CCDC180: variants seen among roughly 807,000 people sequenced by gnomAD.
CCDC180 encodes the protein coiled-coil domain containing 180.
A neutral mutation model predicts 209.2 loss-of-function variants in CCDC180; 154 were observed. The observed-to-expected ratio is 0.74, with a 90% CI of 0.65 to 0.84. The LOEUF is 0.84. Among genes scored for constraint, CCDC180 ranks in the 40% least tolerant of loss-of-function variants. The pLI is 0.00. For synonymous variants in CCDC180, 778 were observed against 749.1 expected, an observed-to-expected ratio of 1.04 and a Z score of -0.63; for missense variants, 1,874 against 1,997.3, an observed-to-expected ratio of 0.94 and a Z score of 1.18.
chr9:97,329,998 G>A (rs189993192), intron 16 of CCDC180, among the ~76,000 whole-genome samples, 156 bp from the exon 17 acceptor site: 1,562 of 151,256 alleles, frequency 0.01, 27 homozygotes, highest in African/African-American at 0.037. Flanking sequence ...AACCTGGGAG[G>A]CGGAGCTTGC....
chr9:97,357,238 T>C (rs534837834), intron 24 of CCDC180, among the ~76,000 whole-genome samples: 1 of 149,380 alleles, frequency 6.7e-6, no homozygotes, highest in Admixed American at 6.7e-5. Flanking sequence ...TCTGCACTGC[T>C]GGAGCAGAGC....
intron 9 of CCDC180, 125 bp from the exon 10 acceptor site, chr9:97,318,338 C>T (rs1261603418): frequency 1.4e-5 from 15 of 1,070,260 alleles, no homozygotes; most frequent in Admixed American, 2.3e-5. Flanking sequence ...GAGGAAGGGG[C>T]TGGGGGTGGT....
Position 97,349,155 on chromosome 9 carries a change from G to A in CCDC180, c.2719G>A (p.Gly907Arg). The A allele has an allele frequency of 1.3e-6, 2 of 1,536,268 alleles. No individual in the cohort carries two copies. Among genetic ancestry groups the A allele is most frequent in the Non-Finnish European group, 1.7e-6 (2 of 1,146,944 alleles). The change falls in exon 21 of 37, where the codon GGG becomes AGG. Residue 907 changes from glycine to arginine, a missense_variant. By Grantham distance (125) the Gly-to-Arg change is moderately radical (BLOSUM62 -2). Coordinates refer to ENST00000529487, the MANE Select transcript of CCDC180 (RefSeq NM_020893.6). ...HQEQLDSHCA[G>R]VTETLKKKRL... Reference sequence around the variant, plus strand: ...AGAGCAGTTGGACAGCCACTGTGCTGGGGTGACCGAGACGCTGAAGAAGAA... The same window carrying A: ...AGAGCAGTTGGACAGCCACTGTGCTAGGGTGACCGAGACGCTGAAGAAGAA...
chr9:97,316,831 AG>A (rs1833188458), intron 8 of CCDC180, among the ~76,000 whole-genome samples: 1 of 152,178 alleles, frequency 6.6e-6, no homozygotes, highest in Non-Finnish European at 1.5e-5. Flanking sequence ...TCATGCAGTC[AG>A]GGTCTGTGGT....
At chr9:97,320,255 G>A (rs371980124) in intron 11 of CCDC180, 50 bp downstream of exon 11, 8 of 1,526,722 alleles carry the variant, frequency 5.2e-6, no homozygotes, top group Non-Finnish European at 5.4e-6. Flanking sequence ...AACTGTTTAA[G>A]CAGTTGCTTT....
chr9:97,374,325 C>T (rs3747492), intron 34 of CCDC180: 118,751 of 534,330 alleles, frequency 0.22, 14,813 homozygotes, highest in East Asian at 0.43. Context: ...CCCACACCAC[C>T]GCTTAGATTC....
Position 97,330,766 on chromosome 9 carries a change from AG to A in CCDC180, c.2274+1del, listed in dbSNP as rs1825717958. 6.3e-7 allele frequency: 1 copy of A among 1,593,542 alleles called. No homozygotes were observed. Among genetic ancestry groups the A allele is most frequent in the Admixed American group, 1.7e-5 (1 of 59,258 alleles). ...QEEQESLSVGEEEDKEEGLEE... is the reference protein window; with the variant it reads ...QEEQESLSVGXEEDKEEGLEE... ...GAGCAAGAGAGTTTATCTGTGGGTG[AG>A]GTAAGCCAGCAACTGATTCATTCTT... On this transcript the variant is annotated frameshift_variant and splice_region_variant, in exon 18 of 37. Coordinates refer to ENST00000529487, the MANE Select transcript of CCDC180 (RefSeq NM_020893.6). LOFTEE classifies it high-confidence loss of function.
Position 97,366,774 on chromosome 9 carries a change from T to C in CCDC180, c.4189+74T>C. ...CCAGTGGTGGAGCTCGGCCTTGGCC[T>C]TGTGGCCTGGATCCTCCCCTCTGGG... On this transcript the variant is annotated intron_variant, in intron 31 of 36. Transcript: ENST00000529487. The surrounding 1 kb of genome is among the most constrained non-coding windows in gnomAD (Gnocchi z 4.3). The C allele has an allele frequency of 1.3e-6, 2 of 1,534,220 alleles. No homozygotes were observed. The highest frequency in any genetic ancestry group is 1.8e-6 in the Non-Finnish European group (2 of 1,134,852).
chr9:97,337,804 C>G (rs1425164014), intron 18 of CCDC180, among the ~76,000 whole-genome samples: 3 of 152,018 alleles, frequency 2.0e-5, no homozygotes, highest in Non-Finnish European at 4.4e-5. Context: ...GGACATTTTT[C>G]TGGTTGGTAG....
In CCDC180 at chr9:97,343,569, T is replaced by TA. The variant is rs1448232263; in HGVS notation, c.2498+12dup. ...ATTTTAGAAATTAAGAAACAGTGAG[T>TA]AAAAAACTATTTTATTCTCATCCTG... is the stretch of plus-strand genomic sequence containing the variant. On this transcript the variant is annotated splice_region_variant and intron_variant, in intron 19 of 36. Coordinates refer to ENST00000529487, the MANE Select transcript of CCDC180 (RefSeq NM_020893.6). 3 of 1,577,890 alleles carry TA rather than the reference T, an allele frequency of 1.9e-6. No individual in the cohort carries two copies. In the African/African-American group the frequency reaches 4.1e-5, roughly 21 times the overall value.
chr9:97,314,626 G>A lies in CCDC180; in HGVS notation c.597G>A (p.Leu199=). The change falls in exon 7 of 37, where the codon CTG becomes CTA. Residue 199 remains leucine, a synonymous_variant. Transcript: ENST00000529487. ...CAAACTTCTCTGCGTAGGCCCTGCT[G>A]GAGCTGTGGGATAAGGTGGCCGGGC... The part of the protein sequence containing the change: ...NLEDYTIQAL[L]ELWDKVAGRL... The A allele has an allele frequency of 6.2e-7, 1 of 1,614,054 alleles. No homozygotes were observed. The highest frequency in any genetic ancestry group is 1.1e-5 in the South Asian group (1 of 91,070).
chr9:97,378,266 T>C lies in CCDC180; in HGVS notation c.*1372T>C, dbSNP rs1827308028. The C allele has an allele frequency of 6.6e-6, 1 of 152,234 alleles. No individual in the cohort carries two copies. Among genetic ancestry groups the C allele is most frequent in the Admixed American group, 6.5e-5 (1 of 15,280 alleles). The allele number at this position is 152,234 out of a possible 1,614,324, so 9.4% of individuals were successfully genotyped here. ...ACTGTCCATAGCATCTTTCCATGTA[T>C]GTGAGTTATTTTTATAAAATGGAAT... is the stretch of plus-strand genomic sequence containing the variant. On this transcript the variant is annotated 3_prime_UTR_variant, in exon 37 of 37. Transcript: ENST00000529487.
chr9:97,336,629 T>C (rs1287470073), intron 18 of CCDC180, among the ~76,000 whole-genome samples: 1 of 152,236 alleles, frequency 6.6e-6, no homozygotes, highest in Non-Finnish European at 1.5e-5. Flanking sequence ...TTGCTTAGGA[T>C]TGTCTTGGCA....
Position 97,347,444 on chromosome 9 carries a change from C to A in CCDC180, c.2629C>A (p.Pro877Thr). 6.5e-7 allele frequency: 1 copy of A among 1,536,140 alleles called. No individual in the cohort carries two copies. Among genetic ancestry groups the A allele is most frequent in the Non-Finnish European group, 8.7e-7 (1 of 1,146,914 alleles). The change falls in exon 20 of 37, where the codon CCA (proline) becomes ACA (threonine). Residue 877 changes from proline (P) to threonine (T), a missense_variant. Pro to Thr is a conservative substitution (Grantham distance 38). Coordinates refer to ENST00000529487, the MANE Select transcript of CCDC180 (RefSeq NM_020893.6). ...GGAGCTGCATCTGCACCTGCACCAGCCAAGAGCCCAGCAGATTGAAAAAGA... is the reference window on the plus strand; with the variant it reads ...GGAGCTGCATCTGCACCTGCACCAGACAAGAGCCCAGCAGATTGAAAAAGA... ...ELELHLHLHQ[P>T]RAQQIEKDIH...
In CCDC180 at chr9:97,328,104, T is replaced by C. The variant is rs762843800; in HGVS notation, c.1746T>C (p.Ser582=). 9.9e-6 allele frequency: 16 copies of C among 1,613,946 alleles called. No homozygotes were observed. Among genetic ancestry groups the C allele is most frequent in the African/African-American group, 1.3e-5 (1 of 74,930 alleles). ...TGAAAGAACTCAACTCCTACAGCTC[T>C]GCCCTCAGCCAATACTTCTTTGTGC... ...IMLKELNSYS[S]ALSQYFFVRE... Residue 582 remains serine, a synonymous_variant, in exon 16 of 37, where the codon TCT becomes TCC. Coordinates refer to ENST00000529487, the MANE Select transcript of CCDC180 (RefSeq NM_020893.6).
In CCDC180 at chr9:97,361,842, C is replaced by T. The variant is rs561758639; in HGVS notation, c.3600C>T (p.Arg1200=). 18 of 1,614,162 alleles carry T rather than the reference C, an allele frequency of 1.1e-5. No homozygotes were observed. The highest frequency in any genetic ancestry group is 9.9e-5 in the South Asian group (9 of 91,078). ...CTGAGTCCTTCACCCAGCTGAGCCG[C>T]GTGGGGAAGCCCCTGATTGAGGACC... ...VTPESFTQLS[R]VGKPLIEDPA... The change falls in exon 27 of 37, where the codon CGC becomes CGT. Residue 1200 remains arginine, a synonymous_variant. Transcript: ENST00000529487.
intron 18 of CCDC180, among the ~76,000 whole-genome samples, chr9:97,334,416 G>A (rs1358269839): frequency 2.0e-5 from 3 of 152,132 alleles, no homozygotes; most frequent in Admixed American, 6.5e-5. Flanking sequence ...TATAGACAAC[G>A]AATCTGAGAG....
chr9:97,330,927 T>A (rs1371929510), intron 18 of CCDC180, among the ~76,000 whole-genome samples, 160 bp downstream of exon 18: 1 of 152,066 alleles, frequency 6.6e-6, no homozygotes, highest in East Asian at 1.9e-4. Flanking sequence ...TTTAAAAAAA[T>A]TTTATTTTAG....
intron 10 of CCDC180, 76 bp downstream of exon 10, chr9:97,318,658 GT>G: frequency 6.4e-7 from 1 of 1,567,286 alleles, no homozygotes; most frequent in Non-Finnish European, 8.6e-7. Context: ...CCTGCAGTCT[GT>G]CCCCCAAGGC....
Sources: gnomAD v4.1 joint callset for allele counts (sites outside exome capture counted in the v4.1 genomes callset) on GRCh38, gnomAD v4.1.1 for gene constraint, Gnocchi (gnomAD v3.1) non-coding constraint, MANE v1.5 for transcripts, NCBI Gene and HGNC (gene_info 2026-07-23, HGNC 2026-07-21) for gene names.